Variants in LIMCH1 observed in about 807,000 individuals in gnomAD.
LIMCH1 encodes LIM and calponin homology domains-containing protein 1.
Under a neutral mutation model 176.5 loss-of-function variants are expected in LIMCH1, and 113 were observed. The ratio of observed to expected loss-of-function variants is 0.64; its 90% CI spans 0.55 to 0.75. LIMCH1 has a LOEUF of 0.75. Ranked by LOEUF, LIMCH1 falls within the 30% of genes least tolerant of loss-of-function variation. LIMCH1 has a pLI of 0.00. For missense variants in LIMCH1, 1,674 were observed against 1,814.9 expected (o/e 0.92, Z 1.41); for synonymous variants, 619 against 645.9 (o/e 0.96, Z 0.63).
intron 2 of LIMCH1, among the ~76,000 whole-genome samples, chr4:41,518,414 A>G (rs1219799109): frequency 6.6e-6 from 1 of 152,292 alleles, no homozygotes; most frequent in East Asian, 1.9e-4. Flanking sequence ...AGTTGCAGAT[A>G]GAAAAAAAGT....
intron 1 of LIMCH1, chr4:41,472,992 T>C (rs2067207696): frequency 3.0e-6 from 3 of 983,730 alleles, no homozygotes; most frequent in Middle Eastern, 5.2e-4. Context: ...TTTTTTTTTT[T>C]TCTCCTCGGT....
chr4:41,666,277 A>G (rs2094821822), intron 20 of LIMCH1, among the ~76,000 whole-genome samples: 1 of 152,228 alleles, frequency 6.6e-6, no homozygotes, highest in Non-Finnish European at 1.5e-5. Context: ...TAAGAGAGTA[A>G]TGTATAATTC....
At chr4:41,451,812 C>G (rs1278760202) in intron 1 of LIMCH1, among the ~76,000 whole-genome samples, 2 of 152,196 alleles carry the variant, frequency 1.3e-5, no homozygotes, top group Non-Finnish European at 2.9e-5. Context: ...TTATTGCATT[C>G]TTTCCTTTCC....
chr4:41,616,023 A>G (rs1261329443), intron 5 of LIMCH1, among the ~76,000 whole-genome samples: 1 of 152,100 alleles, frequency 6.6e-6, no homozygotes, highest in Non-Finnish European at 1.5e-5. Context: ...CCCAGCATTA[A>G]TAGCATCTCT....
chr4:41,514,874 T>C (rs566937821), intron 2 of LIMCH1, among the ~76,000 whole-genome samples: 1 of 152,312 alleles, frequency 6.6e-6, no homozygotes, highest in South Asian at 2.1e-4. Context: ...GTTACTTGTT[T>C]AGAACTTGGA....
intron 1 of LIMCH1, among the ~76,000 whole-genome samples, chr4:41,436,503 A>T (rs572382542): frequency 1.3e-5 from 2 of 152,194 alleles, no homozygotes; most frequent in African/African-American, 4.8e-5. Context: ...GCTGTGAGAG[A>T]TTTTTTCCTG....
At chr4:41,552,335 G>A (rs2080571289) in intron 1 of LIMCH1, among the ~76,000 whole-genome samples, 1 of 152,076 alleles carries the variant, frequency 6.6e-6, no homozygotes, top group Admixed American at 6.6e-5. Context: ...TTGTAGACAG[G>A]GCCCTCTATC....
At chr4:41,419,588 T>TTCCTTCCTTCCTTCCTTCCTTCCTTCC (rs2060291929) in intron 1 of LIMCH1, among the ~76,000 whole-genome samples, 2 of 86,760 alleles carry the variant, frequency 2.3e-5, no homozygotes, top group Admixed American at 2.2e-4. Flanking sequence ...CCTTCCTTCC[T>TTCCTTCCTTCCTTCCTTCCTTCCTTCC]TCCTTCCTTC....
chr4:41,619,782 C>T (rs578082694), intron 6 of LIMCH1: 129 of 294,420 alleles, frequency 4.4e-4, no homozygotes, highest in African/African-American at 2.4e-3. Flanking sequence ...TCAGATTAGG[C>T]GTAGAAAGAT....
At chr4:41,406,842 C>T (rs895316178) in intron 1 of LIMCH1, among the ~76,000 whole-genome samples, 2 of 152,054 alleles carry the variant, frequency 1.3e-5, no homozygotes, top group Admixed American at 1.3e-4. Context: ...GAGACTCCAG[C>T]GTGGATATGA....
At chr4:41,511,174 T>G (rs1159744653) in intron 2 of LIMCH1, among the ~76,000 whole-genome samples, 2 of 152,218 alleles carry the variant, frequency 1.3e-5, no homozygotes, top group African/African-American at 4.8e-5. Context: ...ATTCAACTCA[T>G]CAGCCCTGTC....
intron 18 of LIMCH1, among the ~76,000 whole-genome samples, chr4:41,657,722 A>G (rs1300100511): frequency 2.0e-5 from 3 of 152,190 alleles, no homozygotes; most frequent in Non-Finnish European, 4.4e-5. Context: ...GAGAGTATAC[A>G]TTCCATAAAT....
upstream of LIMCH1, chr4:41,360,489 A>G (rs4860991): frequency 0.65 from 101,804 of 156,976 alleles, 35,074 homozygotes; most frequent in African/African-American, 0.9. This position sits in a 1 kb window ranked among gnomAD's most constrained non-coding sequence, Gnocchi z 4.5. Context: ...CCGGGTGTGA[A>G]CGGGAGGGAG....
chr4:41,427,575 A>G (rs1245754305), intron 1 of LIMCH1, among the ~76,000 whole-genome samples: 1 of 152,220 alleles, frequency 6.6e-6, no homozygotes, highest in African/African-American at 2.4e-5. Context: ...AAAGAAGTGG[A>G]AGGTAACATG....
chr4:41,598,076 G>A (rs1352927594), intron 1 of LIMCH1, among the ~76,000 whole-genome samples: 1 of 152,152 alleles, frequency 6.6e-6, no homozygotes, highest in Non-Finnish European at 1.5e-5. Flanking sequence ...CTAACTGATG[G>A]GGTCAGTTAG....
At chr4:41,567,986 C>T (rs2083002206) in intron 1 of LIMCH1, among the ~76,000 whole-genome samples, 1 of 152,110 alleles carries the variant, frequency 6.6e-6, no homozygotes, top group Non-Finnish European at 1.5e-5. Flanking sequence ...AACCCCGGCT[C>T]TACTAAAAAT....
At chr4:41,579,180 T>G (rs1447465755) in intron 1 of LIMCH1, among the ~76,000 whole-genome samples, 3 of 152,040 alleles carry the variant, frequency 2.0e-5, no homozygotes, top group Admixed American at 1.3e-4. Flanking sequence ...AAATGTCAAG[T>G]GTAAAATGAT....
At chr4:41,581,492 G>C (rs1156990194) in intron 1 of LIMCH1, among the ~76,000 whole-genome samples, 1 of 152,054 alleles carries the variant, frequency 6.6e-6, no homozygotes, top group African/African-American at 2.4e-5. Context: ...CTCTGCTTCT[G>C]TGAGTTCAGT....
chr4:41,671,120 G>A, intron 21 of LIMCH1: 1 of 496,574 alleles, frequency 2.0e-6, no homozygotes, highest in Non-Finnish European at 2.6e-6. Context: ...CTTGTTAACT[G>A]TGTCACTGTG....
Sources: gnomAD v4.1 joint callset for allele counts (sites outside exome capture counted in the v4.1 genomes callset) on GRCh38, gnomAD v4.1.1 for gene constraint, Gnocchi (gnomAD v3.1) non-coding constraint, MANE v1.5 for transcripts, NCBI Gene and HGNC (gene_info 2026-07-23, HGNC 2026-07-21) for gene names.